Variants in SPINK7 observed in about 807,000 individuals in gnomAD.
SPINK7 encodes the protein serine peptidase inhibitor Kazal type 7.
In SPINK7, 8 loss-of-function variants were observed where a neutral mutation model predicts 11.6. The observed-to-expected ratio is 0.69, with a 90% confidence interval of 0.41 to 1.25. The LOEUF is 1.25. Among genes scored for constraint, SPINK7 ranks in the 50% most tolerant of loss-of-function variants. The probability of loss-of-function intolerance (pLI) is 0.01; values close to 1 mark genes in which losing one functional copy is unlikely to be tolerated. For missense variants in SPINK7, 113 were observed against 99.3 expected (o/e 1.14, Z -0.58); for synonymous variants, 38 against 35.3 (o/e 1.08, Z -0.27).
intron 2 of SPINK7, chr5:148,313,780 C>T: frequency 2.2e-6 from 1 of 457,308 alleles, no homozygotes; most frequent in Non-Finnish European, 3.8e-6. Flanking sequence ...TATTTCTAAG[C>T]TTTAATTTTC....
chr5:148,313,336 CTTTACT>C, intron 1 of SPINK7, 32 bp from the exon 2 acceptor site: 2 of 1,556,958 alleles, frequency 1.3e-6, no homozygotes, highest in Non-Finnish European at 1.8e-6. Flanking sequence ...TTAAAGTTTG[CTTTACT>C]TTTAACATCT....
At chr5:148,315,549 C>T (rs921592581) in intron 3 of SPINK7, 90 bp from the exon 4 acceptor site, 1 of 700,836 alleles carries the variant, frequency 1.4e-6, no homozygotes, top group Non-Finnish European at 2.5e-6. Flanking sequence ...TGAGGTGCTG[C>T]CTCATAATCT....
At chr5:148,313,886 A>G (rs1157841684) in intron 2 of SPINK7, 1 of 583,616 alleles carries the variant, frequency 1.7e-6, no homozygotes, top group Non-Finnish European at 3.0e-6. Context: ...CGCCTAGCCC[A>G]GAAATGCCCA....
At chr5:148,313,860 C>T (rs1862431) in intron 2 of SPINK7, 166,070 of 515,148 alleles carry the variant, frequency 0.32, 30,010 homozygotes, top group East Asian at 0.58. Flanking sequence ...AAAATTCATG[C>T]AAGATTTAAG....
intron 2 of SPINK7, chr5:148,313,830 T>C: frequency 2.0e-6 from 1 of 509,022 alleles, no homozygotes; most frequent in Non-Finnish European, 3.4e-6. Context: ...TTACTCTAGT[T>C]GTTCTGAAGA....
intron 1 of SPINK7, 84 bp downstream of exon 1, chr5:148,312,628 AACATCT>A: frequency 2.6e-6 from 2 of 767,750 alleles, no homozygotes; most frequent in African/African-American, 1.8e-5. Flanking sequence ...GCATCTCAGA[AACATCT>A]GGTTGTAAGA....
chr5:148,314,570 G>A (rs927976729), intron 3 of SPINK7: 11 of 260,458 alleles, frequency 4.2e-5, no homozygotes, highest in South Asian at 1.0e-4. Flanking sequence ...GGACTATTTG[G>A]GGTAGTTGAC....
chr5:148,312,475 A>G lies in SPINK7; in HGVS notation c.-9A>G. 2 of 1,604,730 alleles carry G rather than the reference A, an allele frequency of 1.2e-6. No individual in the cohort carries two copies. Among genetic ancestry groups the G allele is most frequent in the Non-Finnish European group, 1.7e-6 (2 of 1,171,630 alleles). On this transcript the variant is annotated 5_prime_UTR_variant, in exon 1 of 4. Coordinates refer to ENST00000274565, the MANE Select transcript of SPINK7 (RefSeq NM_032566.3). ...TCAGAGCAGCTTCTACACCACAGCC[A>G]TTTCCAGCATGAAGATCACTGGGGG...
In SPINK7 at chr5:148,314,234, T is replaced by A; in HGVS notation, c.212+10T>A. On this transcript the variant is annotated intron_variant, in intron 3 of 3. Transcript: ENST00000274565. Reference sequence around the variant, plus strand: ...TGTGTACCGAGAGCTTGTGAGTACCTCATAAGAAGAAAATGAGATCTGGAG... The same window carrying A: ...TGTGTACCGAGAGCTTGTGAGTACCACATAAGAAGAAAATGAGATCTGGAG... 6.2e-7 allele frequency: 1 copy of A among 1,613,366 alleles called. No homozygotes were observed. Among genetic ancestry groups the A allele is most frequent in the Middle Eastern group, 1.7e-4 (1 of 6,050 alleles).
intron 2 of SPINK7, 119 bp downstream of exon 2, chr5:148,313,518 A>C: frequency 6.8e-6 from 4 of 589,658 alleles, no homozygotes; most frequent in Non-Finnish European, 1.2e-5. Context: ...ACATGGAGAA[A>C]TGGTACCTGT....
At chr5:148,314,449 T>G in intron 3 of SPINK7, 1 of 562,254 alleles carries the variant, frequency 1.8e-6, no homozygotes, top group Non-Finnish European at 3.2e-6. Flanking sequence ...GAACCTCCAG[T>G]TCCTGTCTGT....
intron 3 of SPINK7, 124 bp downstream of exon 3, chr5:148,314,348 C>T (rs1268089216): frequency 9.8e-6 from 11 of 1,127,788 alleles, no homozygotes; most frequent in Non-Finnish European, 1.4e-5. Context: ...CCACCCAGAA[C>T]AGCAGGTGGG....
intron 1 of SPINK7, among the ~76,000 whole-genome samples, chr5:148,312,802 A>T (rs1756878473): frequency 6.6e-6 from 1 of 152,092 alleles, no homozygotes; most frequent in African/African-American, 2.4e-5. Context: ...GTTCATATGG[A>T]CACTGGAAGT....
At chr5:148,314,597 T>C in intron 3 of SPINK7, 1 of 210,952 alleles carries the variant, frequency 4.7e-6, no homozygotes, top group Non-Finnish European at 9.5e-6. Flanking sequence ...AAGTTCAGCT[T>C]TGACTATTTT....
Position 148,315,747 on chromosome 5 carries a change from T to C in SPINK7, c.*63T>C. The C allele has an allele frequency of 2.0e-6, 2 of 1,024,100 alleles. No homozygotes were observed. Among genetic ancestry groups the C allele is most frequent in the Non-Finnish European group, 3.1e-6 (2 of 650,486 alleles). The allele number at this position is 1,024,100 out of a possible 1,614,324, so 63.4% of individuals were successfully genotyped here. On this transcript the variant is annotated 3_prime_UTR_variant, in exon 4 of 4. Coordinates refer to ENST00000274565, the MANE Select transcript of SPINK7 (RefSeq NM_032566.3). ...CATCATCATCTTCATCATCCCAGGC[T>C]CTGACTGAGTTTCTTTCAGTTTTAC...
At chr5:148,314,553 G>A (rs1756905488) in intron 3 of SPINK7, 2 of 310,670 alleles carry the variant, frequency 6.4e-6, no homozygotes, top group African/African-American at 2.1e-5. Flanking sequence ...CACCATTAGG[G>A]TTAAAGGGAC....
In SPINK7 at chr5:148,312,471, A is replaced by C. The variant is rs1756872619; in HGVS notation, c.-13A>C. 6.3e-7 allele frequency: 1 copy of C among 1,598,650 alleles called. No homozygotes were observed. Among genetic ancestry groups the C allele is most frequent in the Non-Finnish European group, 8.6e-7 (1 of 1,166,266 alleles). ...AATCTCAGAGCAGCTTCTACACCAC[A>C]GCCATTTCCAGCATGAAGATCACTG... On this transcript the variant is annotated 5_prime_UTR_variant, in exon 1 of 4. Transcript: ENST00000274565.
At chr5:148,314,053 C>T in intron 2 of SPINK7, 47 bp from the exon 3 acceptor site, 1 of 1,611,708 alleles carries the variant, frequency 6.2e-7, no homozygotes, top group Admixed American at 1.7e-5. Context: ...AGTGGCCTAG[C>T]TTGGGGTCTG....
At chr5:148,314,385 A>C in intron 3 of SPINK7, 161 bp downstream of exon 3, 1 of 756,412 alleles carries the variant, frequency 1.3e-6, no homozygotes, top group Non-Finnish European at 2.1e-6. Flanking sequence ...TTGCACAATC[A>C]GACAGGGTAG....
Sources: allele counts gnomAD v4.1 joint callset (sites outside exome capture counted in the v4.1 genomes callset), GRCh38; gene constraint gnomAD v4.1.1; transcripts MANE v1.5; gene names NCBI Gene and HGNC (gene_info 2026-07-23, HGNC 2026-07-21).